BCAS3: variants seen among roughly 807,000 people sequenced by gnomAD.
BCAS3 encodes the protein BCAS3 microtubule associated cell migration factor, also known as BCAS4/BCAS3 fusion.
Under a neutral mutation model 116.1 loss-of-function variants are expected in BCAS3, and 53 were observed. The observed-to-expected ratio is 0.46, with a 90% CI of 0.37 to 0.57. BCAS3 has a LOEUF of 0.57. Among genes scored for constraint, BCAS3 ranks in the 20% least tolerant of loss-of-function variants. BCAS3 has a pLI of 0.00. For missense variants in BCAS3, 917 were observed against 1,165.4 expected, an observed-to-expected ratio of 0.79 and a Z score of 3.10; for synonymous variants, 391 against 408.2, an observed-to-expected ratio of 0.96 and a Z score of 0.51.
At chr17:61,093,735 G>C (rs1174511190) in intron 22 of BCAS3, among the ~76,000 whole-genome samples, 1 of 151,960 alleles carries the variant, frequency 6.6e-6, no homozygotes, top group Non-Finnish European at 1.5e-5. Flanking sequence ...TTTTTCTTGG[G>C]TTCTTTATTC....
chr17:61,109,002 A>T (rs1312716031), intron 22 of BCAS3, among the ~76,000 whole-genome samples: 1 of 152,060 alleles, frequency 6.6e-6, no homozygotes, highest in African/African-American at 2.4e-5. Context: ...CCTGGCCAAC[A>T]TGGTGAAACC....
intron 22 of BCAS3, among the ~76,000 whole-genome samples, chr17:61,237,266 A>G (rs1337028106): frequency 6.6e-6 from 1 of 152,202 alleles, no homozygotes; most frequent in Non-Finnish European, 1.5e-5. Flanking sequence ...AAATGCACCA[A>G]TCAGCGCTCT....
chr17:61,049,814 C>T (rs2068692573), intron 19 of BCAS3, among the ~76,000 whole-genome samples: 1 of 149,988 alleles, frequency 6.7e-6, no homozygotes, highest in South Asian at 2.1e-4. Context: ...CTCACTGCAG[C>T]CTCTGTCTCC....
chr17:60,919,670 G>T, intron 12 of BCAS3, among the ~76,000 whole-genome samples: 1 of 141,448 alleles, frequency 7.1e-6, no homozygotes, highest in African/African-American at 2.8e-5. Flanking sequence ...GCTTTTTCCT[G>T]TGTGTTTTTT....
At chr17:61,253,483 T>C (rs941269271) in intron 22 of BCAS3, among the ~76,000 whole-genome samples, 1 of 152,084 alleles carries the variant, frequency 6.6e-6, no homozygotes, top group East Asian at 1.9e-4. Flanking sequence ...CCATTAATAA[T>C]AGTATTATTA....
At chr17:60,697,327 G>A (rs1218596589) in intron 4 of BCAS3, among the ~76,000 whole-genome samples, 9 of 151,806 alleles carry the variant, frequency 5.9e-5, no homozygotes, top group Non-Finnish European at 1.2e-4. Flanking sequence ...TTGGGAGGCC[G>A]AGGCAGGTGG....
In BCAS3 at chr17:61,243,010, C is replaced by A. The variant is rs1276100860; in HGVS notation, c.2426-125317C>A. Among the ~76,000 whole-genome samples the A allele has an allele frequency of 6.6e-6, 1 of 151,740 alleles. No homozygotes were observed. Among genetic ancestry groups the A allele is most frequent in the Non-Finnish European group, 1.5e-5 (1 of 67,974 alleles). ...CACTGCAACCTCTGCCTCTTGGGTTCAAGCAATTCTCCTGCCTCAGCCTCC... is the reference window on the plus strand; with the variant it reads ...CACTGCAACCTCTGCCTCTTGGGTTAAAGCAATTCTCCTGCCTCAGCCTCC... On this transcript the variant is annotated intron_variant, in intron 22 of 23. Transcript: ENST00000407086. This position sits in a 1 kb window ranked among gnomAD's most constrained non-coding sequence, Gnocchi z 5.6.
chr17:60,958,584 G>A (rs543080304), intron 14 of BCAS3, among the ~76,000 whole-genome samples: 1 of 152,300 alleles, frequency 6.6e-6, no homozygotes, highest in East Asian at 1.9e-4. Context: ...TCTTGTGCTA[G>A]AATACTTACC....
intron 19 of BCAS3, among the ~76,000 whole-genome samples, chr17:61,045,284 A>C (rs1052423251): frequency 6.6e-6 from 1 of 151,260 alleles, no homozygotes; most frequent in Admixed American, 6.6e-5. Context: ...CAAGGTGGGA[A>C]GATTGTTTGT....
chr17:61,003,196 T>C (rs1457060828), intron 15 of BCAS3, among the ~76,000 whole-genome samples: 1 of 152,006 alleles, frequency 6.6e-6, no homozygotes, highest in Non-Finnish European at 1.5e-5. Context: ...TTTATGAGAA[T>C]TTCCCCAACG....
intron 6 of BCAS3, among the ~76,000 whole-genome samples, chr17:60,759,520 C>T (rs960298690): frequency 1.3e-5 from 2 of 151,878 alleles, no homozygotes; most frequent in East Asian, 3.9e-4. Context: ...CCCTTTAGAT[C>T]TACTAATATT....
chr17:61,392,254 C>A lies in BCAS3; in HGVS notation c.*129C>A. 8.6e-7 allele frequency: 1 copy of A among 1,156,624 alleles called. No homozygotes were observed. Among genetic ancestry groups the A allele is most frequent in the Non-Finnish European group, 1.2e-6 (1 of 830,952 alleles). The allele number at this position is 1,156,624 out of a possible 1,614,324, so 71.6% of individuals were successfully genotyped here. ...CCACCTTCCCCAAGCTTAGTGACAGCAGCCGCCCATCCTACCTGGATGGAG... is the reference window on the plus strand; with the variant it reads ...CCACCTTCCCCAAGCTTAGTGACAGAAGCCGCCCATCCTACCTGGATGGAG... On this transcript the variant is annotated 3_prime_UTR_variant, in exon 24 of 24. Transcript: ENST00000407086. This position sits in a 1 kb window ranked among gnomAD's most constrained non-coding sequence, Gnocchi z 6.4.
intron 7 of BCAS3, among the ~76,000 whole-genome samples, chr17:60,858,368 A>G (rs2053859885): frequency 6.6e-6 from 1 of 151,304 alleles, no homozygotes; most frequent in South Asian, 2.1e-4. Context: ...GCTTCCTATT[A>G]TTATAGTTGT....
rs1458322061 is a variant in BCAS3, at chr17:61,235,044, C to G, written c.2426-133283C>G. On this transcript the variant is annotated intron_variant, in intron 22 of 23. Transcript: ENST00000407086. The surrounding 1 kb of genome is among the most constrained non-coding windows in gnomAD (Gnocchi z 5.0). ...CTGGGACTATAGGCGCACGCCACCA[C>G]TCCTGGCTAAGTTTTGTATTTTAGT... Among the ~76,000 whole-genome samples the G allele has an allele frequency of 2.0e-5, 3 of 152,148 alleles. No individual in the cohort carries two copies. The highest frequency in any genetic ancestry group is 4.4e-5 in the Non-Finnish European group (3 of 68,032).
At chr17:60,882,060 G>A (rs1045471257) in intron 9 of BCAS3, among the ~76,000 whole-genome samples, 1 of 148,192 alleles carries the variant, frequency 6.7e-6, no homozygotes, top group African/African-American at 2.5e-5. Flanking sequence ...CCCACCAACA[G>A]TGTAAAAGTG....
intron 15 of BCAS3, among the ~76,000 whole-genome samples, chr17:61,006,438 A>G (rs975220199): frequency 2.0e-5 from 3 of 152,122 alleles, no homozygotes; most frequent in Non-Finnish European, 4.4e-5. Flanking sequence ...TTTAAGTAAT[A>G]AAGTCACATT....
intron 9 of BCAS3, among the ~76,000 whole-genome samples, chr17:60,882,198 T>C (rs1277577714): frequency 3.3e-5 from 5 of 152,234 alleles, no homozygotes; most frequent in Admixed American, 6.5e-5. Context: ...CCAATGATGA[T>C]GAGCATTTTT....
Position 61,286,918 on chromosome 17 carries a change from A to G in BCAS3, c.2426-81409A>G, listed in dbSNP as rs1180346956. ...CCACCTACTGAGCCAGACACCAGAG[A>G]TGCAACTAGAAAGATGCCATGGTCT... On this transcript the variant is annotated intron_variant, in intron 22 of 23. Transcript: ENST00000407086. The surrounding 1 kb of genome is among the most constrained non-coding windows in gnomAD (Gnocchi z 4.8). 6.6e-6 allele frequency among the ~76,000 whole-genome samples: 1 copy of G among 152,176 alleles called. No individual in the cohort carries two copies. Among genetic ancestry groups the G allele is most frequent in the Non-Finnish European group, 1.5e-5 (1 of 68,038 alleles).
chr17:60,805,526 T>G (rs1185222339), intron 6 of BCAS3, among the ~76,000 whole-genome samples: 1 of 152,110 alleles, frequency 6.6e-6, no homozygotes, highest in Non-Finnish European at 1.5e-5. Context: ...AACAGGGAAA[T>G]GAAGACTTAA....
Sources: allele counts gnomAD v4.1 joint callset (sites outside exome capture counted in the v4.1 genomes callset), GRCh38; gene constraint gnomAD v4.1.1; non-coding constraint Gnocchi (gnomAD v3.1); transcripts MANE v1.5; gene names NCBI Gene and HGNC (gene_info 2026-07-23, HGNC 2026-07-21).